GPC5: variants seen among roughly 807,000 people sequenced by gnomAD.
The protein encoded by GPC5 is glypican 5.
A neutral mutation model predicts 53.9 loss-of-function variants in GPC5; 47 were observed. That is an observed-to-expected ratio of 0.87 (90% confidence interval 0.69 to 1.11). The LOEUF is 1.11. Among genes scored for constraint, GPC5 ranks in the 50% most tolerant of loss-of-function variants. GPC5 has a pLI of 0.00. For missense variants in GPC5, 748 were observed against 713.1 expected (o/e 1.05, Z -0.56); for synonymous variants, 286 against 263.3 (o/e 1.09, Z -0.84).
chr13:91,418,082 A>G (rs985988333), intron 1 of GPC5, among the ~76,000 whole-genome samples: 1 of 152,074 alleles, frequency 6.6e-6, no homozygotes, highest in Non-Finnish European at 1.5e-5. Context: ...CCTTTGTGCA[A>G]TGTGTCCACA....
intron 7 of GPC5, among the ~76,000 whole-genome samples, chr13:92,366,533 T>C (rs1468370068): frequency 6.6e-6 from 1 of 151,838 alleles, no homozygotes; most frequent in Non-Finnish European, 1.5e-5. Flanking sequence ...ATTCTTTACA[T>C]CTTGAGTGCA....
intron 7 of GPC5, among the ~76,000 whole-genome samples, chr13:92,792,008 T>C (rs75796237): frequency 5.6e-4 from 85 of 152,158 alleles, no homozygotes; most frequent in African/African-American, 1.9e-3. Context: ...TTGCAAAGAA[T>C]AGAAAGCTCT....
chr13:92,012,889 G>A (rs1414679669), intron 6 of GPC5, among the ~76,000 whole-genome samples: 1 of 152,222 alleles, frequency 6.6e-6, no homozygotes, highest in Non-Finnish European at 1.5e-5. Flanking sequence ...GAGGGAGCAT[G>A]CATGTGAGTG....
intron 7 of GPC5, among the ~76,000 whole-genome samples, chr13:92,637,353 A>C (rs752255414): frequency 6.6e-6 from 1 of 152,204 alleles, no homozygotes; most frequent in Non-Finnish European, 1.5e-5. Context: ...GGGGATGTAC[A>C]GATTTATTGA....
chr13:91,659,282 C>A (rs941558370), intron 2 of GPC5, among the ~76,000 whole-genome samples: 1 of 152,102 alleles, frequency 6.6e-6, no homozygotes, highest in African/African-American at 2.4e-5. Flanking sequence ...CAATAGGGAG[C>A]TTGGTGAGGA....
At chr13:91,658,753 AT>A (rs1396716307) in intron 2 of GPC5, among the ~76,000 whole-genome samples, 2 of 152,072 alleles carry the variant, frequency 1.3e-5, no homozygotes, top group African/African-American at 4.8e-5. Flanking sequence ...TTCCTCCATC[AT>A]CCCTCATATG....
At chr13:92,506,149 C>T (rs530466056) in intron 7 of GPC5, among the ~76,000 whole-genome samples, 3 of 152,202 alleles carry the variant, frequency 2.0e-5, no homozygotes, top group Non-Finnish European at 4.4e-5. Flanking sequence ...TAATTATCCA[C>T]TACATACCAA....
intron 7 of GPC5, among the ~76,000 whole-genome samples, chr13:92,162,300 CCATT>C (rs2041995719): frequency 6.6e-6 from 1 of 152,094 alleles, no homozygotes; most frequent in South Asian, 2.1e-4. Context: ...ATTCATCCAT[CCATT>C]CATTTATTCA....
intron 7 of GPC5, among the ~76,000 whole-genome samples, chr13:92,838,663 T>C (rs1878310983): frequency 6.6e-6 from 1 of 151,932 alleles, no homozygotes; most frequent in East Asian, 1.9e-4. Flanking sequence ...TTACAACAAG[T>C]TGTCTGACAA....
chr13:92,787,657 C>A (rs1876289079), intron 7 of GPC5, among the ~76,000 whole-genome samples: 2 of 93,514 alleles, frequency 2.1e-5, no homozygotes, highest in African/African-American at 5.5e-5. Flanking sequence ...ACAGAGAGAC[C>A]TCATAGCTAC....
chr13:92,240,670 A>AT (rs11323525), intron 7 of GPC5: 14 of 151,752 alleles, frequency 9.2e-5, no homozygotes, highest in Admixed American at 7.2e-4. Flanking sequence ...TGAGAGACTA[A>AT]TTTTTTGTAT....
intron 6 of GPC5, among the ~76,000 whole-genome samples, chr13:92,025,638 C>T (rs1042336616): frequency 3.9e-5 from 6 of 152,108 alleles, no homozygotes; most frequent in African/African-American, 9.7e-5. Flanking sequence ...CTTGCCAGTG[C>T]GTGTACAGAA....
At chr13:92,587,946 T>G (rs1883590285) in intron 7 of GPC5, among the ~76,000 whole-genome samples, 2 of 152,094 alleles carry the variant, frequency 1.3e-5, no homozygotes, top group Non-Finnish European at 2.9e-5. Context: ...CTGGGATACA[T>G]GTGCTGAACA....
intron 7 of GPC5, among the ~76,000 whole-genome samples, chr13:92,831,798 G>A (rs1956663558): frequency 6.6e-6 from 1 of 152,102 alleles, no homozygotes; most frequent in Non-Finnish European, 1.5e-5. Context: ...CCCATTTTCA[G>A]TGGTTTCTTC....
chr13:91,878,864 A>G (rs1376288369), intron 5 of GPC5, among the ~76,000 whole-genome samples: 1 of 152,146 alleles, frequency 6.6e-6, no homozygotes, highest in African/African-American at 2.4e-5. Context: ...GGACTAATAC[A>G]TTGAGAATCG....
chr13:92,251,189 A>G (rs2042690422), intron 7 of GPC5, among the ~76,000 whole-genome samples: 1 of 152,122 alleles, frequency 6.6e-6, no homozygotes, highest in Non-Finnish European at 1.5e-5. Context: ...TTGATGATTG[A>G]TGAATTGAGA....
rs1886223099 is a variant in GPC5, at chr13:92,658,800, G to T, written c.1562-207482G>T. Among the ~76,000 whole-genome samples, 2 of 97,528 alleles carry T rather than the reference G, an allele frequency of 2.1e-5. 1 individual carries two copies. The highest frequency in any genetic ancestry group is 8.0e-5 in the African/African-American group (2 of 25,088). 64.0% of individuals were successfully genotyped at this position (97,528 alleles called of 152,430 possible). On this transcript the variant is annotated intron_variant, in intron 7 of 7. Transcript: ENST00000377067. ...GGGCTGGGAGTGTAGATCTTGGGAA[G>T]GGGTCAAGTGCAATACAGCTGGAGC...
intron 2 of GPC5, among the ~76,000 whole-genome samples, chr13:91,541,886 T>C (rs892866537): frequency 2.0e-5 from 3 of 151,460 alleles, no homozygotes; most frequent in African/African-American, 7.3e-5. Context: ...GCTTTTACTG[T>C]TTTTTTCGTA....
intron 7 of GPC5, among the ~76,000 whole-genome samples, chr13:92,517,200 C>A (rs941873416): frequency 3.9e-5 from 6 of 152,150 alleles, no homozygotes; most frequent in Admixed American, 3.3e-4. Context: ...CTGGGCAGAG[C>A]CCACTGCAGC....
Sources: gnomAD v4.1 joint callset for allele counts (sites outside exome capture counted in the v4.1 genomes callset) on GRCh38, gnomAD v4.1.1 for gene constraint, MANE v1.5 for transcripts, NCBI Gene and HGNC (gene_info 2026-07-23, HGNC 2026-07-21) for gene names.